The following RAP2A variants were observed in gnomAD, a reference collection of about 807,000 sequenced individuals.
RAP2A encodes RAP2A, member of RAS oncogene family, also known as ras-related protein Rap-2a.
Under a neutral mutation model 15.1 loss-of-function variants are expected in RAP2A, and 5 were observed. That is an observed-to-expected ratio of 0.33 (90% CI 0.17 to 0.70). RAP2A has a LOEUF of 0.70. Ranked by LOEUF, RAP2A falls within the 30% of genes least tolerant of loss-of-function variation. The pLI is 0.68. For synonymous variants in RAP2A, 110 were observed against 99.7 expected (o/e 1.10, Z -0.62); for missense variants, 111 against 240.3 (o/e 0.46, Z 3.56).
intron 1 of RAP2A, among the ~76,000 whole-genome samples, chr13:97,461,837 C>G (rs988386668): frequency 6.6e-6 from 1 of 151,286 alleles, no homozygotes; most frequent in Non-Finnish European, 1.5e-5. Context: ...GTGGTGGGCG[C>G]CTGTAGTCCC....
At chr13:97,456,241 G>T (rs2066722332) in intron 1 of RAP2A, among the ~76,000 whole-genome samples, 1 of 148,336 alleles carries the variant, frequency 6.7e-6, no homozygotes, top group African/African-American at 2.5e-5. Context: ...TGTGCACCAG[G>T]AAGTGCCCAC....
chr13:97,449,452 A>G (rs913343722), intron 1 of RAP2A, among the ~76,000 whole-genome samples: 1 of 152,154 alleles, frequency 6.6e-6, no homozygotes, highest in African/African-American at 2.4e-5. Context: ...TGTTCTGTCC[A>G]TCCCTGTAAT....
At chr13:97,451,128 T>C (rs1160967146) in intron 1 of RAP2A, among the ~76,000 whole-genome samples, 1 of 152,228 alleles carries the variant, frequency 6.6e-6, no homozygotes, top group African/African-American at 2.4e-5. Flanking sequence ...ATCATGTGCC[T>C]TCCGTGATGT....
chr13:97,439,671 G>C lies in RAP2A; in HGVS notation c.314+4887G>C, dbSNP rs529876767. 1.2e-4 allele frequency among the ~76,000 whole-genome samples: 19 copies of C among 152,294 alleles called. No individual in the cohort carries two copies. The East Asian group carries it at 3.5e-3, about 28-fold the overall frequency. On this transcript the variant is annotated intron_variant, in intron 1 of 1. Coordinates refer to ENST00000245304, the MANE Select transcript of RAP2A (RefSeq NM_021033.7). ...GACTCAGGATCATCTGCGTAGTTCA[G>C]ATTGGGAGAGTAGATGAAACCTACT... is the stretch of plus-strand genomic sequence containing the variant.
chr13:97,440,666 T>G (rs193263023), intron 1 of RAP2A, among the ~76,000 whole-genome samples: 2 of 152,196 alleles, frequency 1.3e-5, no homozygotes, highest in Non-Finnish European at 2.9e-5. Flanking sequence ...GAGGTATGAT[T>G]GATGTACAAA....
chr13:97,436,509 T>C (rs760111155), intron 1 of RAP2A, among the ~76,000 whole-genome samples: 7 of 152,178 alleles, frequency 4.6e-5, no homozygotes, highest in African/African-American at 7.2e-5. Flanking sequence ...AAGATGCACA[T>C]ATACACTGAT....
intron 1 of RAP2A, among the ~76,000 whole-genome samples, chr13:97,444,550 A>C (rs2066672082): frequency 6.6e-6 from 1 of 152,182 alleles, no homozygotes; most frequent in South Asian, 2.1e-4. Context: ...AATATCATTT[A>C]AGCCACCTCA....
intron 1 of RAP2A, among the ~76,000 whole-genome samples, chr13:97,462,344 C>T (rs1330704306): frequency 6.6e-6 from 1 of 152,042 alleles, no homozygotes; most frequent in Non-Finnish European, 1.5e-5. Flanking sequence ...CTGACATTGT[C>T]CTGACATGGC....
At chr13:97,462,063 T>C (rs2066750192) in intron 1 of RAP2A, among the ~76,000 whole-genome samples, 1 of 143,852 alleles carries the variant, frequency 7.0e-6, no homozygotes, top group Non-Finnish European at 1.5e-5. Flanking sequence ...TTTATATATA[T>C]ATTTATATAT....
At chr13:97,461,962 CAAAA>C (rs775969872) in intron 1 of RAP2A, among the ~76,000 whole-genome samples, 19 of 105,858 alleles carry the variant, frequency 1.8e-4, no homozygotes, top group Admixed American at 4.1e-4. Context: ...GACTCCGTCT[CAAAA>C]AAAAAATATA....
chr13:97,454,636 T>G (rs183610859), intron 1 of RAP2A, among the ~76,000 whole-genome samples: 2 of 151,420 alleles, frequency 1.3e-5, no homozygotes, highest in Admixed American at 1.3e-4. Context: ...AGGACTATAA[T>G]TTTTTGTACG....
chr13:97,445,960 G>A (rs1308983276), intron 1 of RAP2A, among the ~76,000 whole-genome samples: 1 of 152,154 alleles, frequency 6.6e-6, no homozygotes, highest in Non-Finnish European at 1.5e-5. Context: ...ATTTATGGAG[G>A]GAAGGAAATT....
intron 1 of RAP2A, chr13:97,441,731 C>G (rs753393339): frequency 4.5e-6 from 2 of 442,534 alleles, no homozygotes; most frequent in Non-Finnish European, 9.0e-6. Flanking sequence ...TCCATCTATT[C>G]TTACCTACTG....
chr13:97,436,335 C>T (rs761699111), intron 1 of RAP2A, among the ~76,000 whole-genome samples: 4 of 152,086 alleles, frequency 2.6e-5, no homozygotes, highest in Admixed American at 6.5e-5. Flanking sequence ...TTACCCCCTC[C>T]CCCAACCACT....
intron 1 of RAP2A, among the ~76,000 whole-genome samples, chr13:97,446,237 G>A (rs1214404976): frequency 6.6e-6 from 1 of 151,886 alleles, no homozygotes; most frequent in African/African-American, 2.4e-5. Flanking sequence ...TAAATTTTAT[G>A]GTCACTATAG....
chr13:97,455,199 C>T (rs2066717839), intron 1 of RAP2A, among the ~76,000 whole-genome samples: 1 of 151,302 alleles, frequency 6.6e-6, no homozygotes. Flanking sequence ...GTCTTCTCAT[C>T]CGTGAATGTT....
intron 1 of RAP2A, among the ~76,000 whole-genome samples, chr13:97,448,407 G>A (rs886684986): frequency 6.6e-6 from 1 of 152,078 alleles, no homozygotes; most frequent in Non-Finnish European, 1.5e-5. Flanking sequence ...ATTAATTCAC[G>A]TATGGCTGTA....
chr13:97,436,914 C>T (rs964631191), intron 1 of RAP2A, among the ~76,000 whole-genome samples: 12 of 152,170 alleles, frequency 7.9e-5, no homozygotes, highest in Non-Finnish European at 2.9e-5. Context: ...GTATTTTACA[C>T]CTCATCCTAA....
chr13:97,462,238 C>T (rs1854921478), intron 1 of RAP2A, among the ~76,000 whole-genome samples: 1 of 151,722 alleles, frequency 6.6e-6, no homozygotes, highest in Non-Finnish European at 1.5e-5. Context: ...AGTTACTCCA[C>T]TGTCAAGCAA....
Sources: allele counts gnomAD v4.1 joint callset (sites outside exome capture counted in the v4.1 genomes callset), GRCh38; gene constraint gnomAD v4.1.1; transcripts MANE v1.5; gene names NCBI Gene and HGNC (gene_info 2026-07-23, HGNC 2026-07-21).